SIK2: variants seen among roughly 807,000 people sequenced by gnomAD.
SIK2 encodes the protein salt inducible kinase 2.
A neutral mutation model predicts 103.2 loss-of-function variants in SIK2; 29 were observed. That is an observed-to-expected ratio of 0.28 (90% CI 0.21 to 0.38). The LOEUF is 0.38. SIK2 is among the 10% of genes least tolerant of loss of function. The pLI is 1.00. For missense variants in SIK2, 879 were observed against 1,171.0 expected (o/e 0.75, Z 3.64); for synonymous variants, 412 against 446.1 (o/e 0.92, Z 0.96).
At chr11:111,653,090 G>A (rs531083778) in intron 3 of SIK2, among the ~76,000 whole-genome samples, 224 of 152,218 alleles carry the variant, frequency 1.5e-3, no homozygotes, top group African/African-American at 4.9e-3. Context: ...TCTTACGGAC[G>A]CTAAAGTGTG....
intron 3 of SIK2, among the ~76,000 whole-genome samples, chr11:111,648,325 C>A (rs981396139): frequency 2.0e-5 from 3 of 152,046 alleles, no homozygotes; most frequent in Admixed American, 6.6e-5. Context: ...TCTCGCAGTT[C>A]TGGAGGCTTG....
intron 3 of SIK2, among the ~76,000 whole-genome samples, chr11:111,630,859 A>T (rs561405147): frequency 4.6e-5 from 7 of 152,158 alleles, no homozygotes; most frequent in Non-Finnish European, 1.0e-4. Context: ...TTATAAAACT[A>T]CCTTTTGAAG....
intron 8 of SIK2, among the ~76,000 whole-genome samples, chr11:111,708,094 C>A (rs1358592474): frequency 6.6e-6 from 1 of 152,124 alleles, no homozygotes; most frequent in Non-Finnish European, 1.5e-5. Context: ...ACAAAATACC[C>A]ATTATGACAG....
intron 3 of SIK2, among the ~76,000 whole-genome samples, chr11:111,641,613 G>T (rs1260230196): frequency 6.6e-6 from 1 of 152,090 alleles, no homozygotes; most frequent in Admixed American, 6.5e-5. Flanking sequence ...TTCAGCTCAT[G>T]ATTAGGATCC....
intron 3 of SIK2, among the ~76,000 whole-genome samples, chr11:111,646,679 A>G (rs1453258137): frequency 1.3e-5 from 2 of 152,138 alleles, no homozygotes; most frequent in Non-Finnish European, 2.9e-5. Flanking sequence ...TAGCTTGTAT[A>G]TTCTAGAATT....
intron 3 of SIK2, among the ~76,000 whole-genome samples, chr11:111,643,299 G>A (rs1392437274): frequency 6.6e-6 from 1 of 152,034 alleles, no homozygotes; most frequent in East Asian, 1.9e-4. Context: ...ACACACCAGG[G>A]CCTGTTGGAA....
In SIK2 at chr11:111,618,344, G is replaced by A. The variant is rs146397732; in HGVS notation, c.252+1985G>A. Among the ~76,000 whole-genome samples the A allele has an allele frequency of 1.6e-3, 247 of 152,236 alleles. 2 individuals carry two copies. The highest frequency in any genetic ancestry group is 5.5e-3 in the African/African-American group (229 of 41,540). On this transcript the variant is annotated intron_variant, in intron 2 of 14. Transcript: ENST00000304987. ...GGACTGCACCAGTCTGTGACCCGGC[G>A]GTTAGGAACCCCTGCTTTAAACAAC...
At chr11:111,652,172 C>T (rs1441320937) in intron 3 of SIK2, among the ~76,000 whole-genome samples, 5 of 152,052 alleles carry the variant, frequency 3.3e-5, no homozygotes, top group Non-Finnish European at 7.4e-5. Flanking sequence ...TATACACATA[C>T]ATATGTGAAA....
intron 3 of SIK2, among the ~76,000 whole-genome samples, chr11:111,622,389 G>A (rs1410568513): frequency 6.6e-6 from 1 of 151,152 alleles, no homozygotes; most frequent in African/African-American, 2.4e-5. Context: ...CCAAATAACT[G>A]GTCCTACAGG....
chr11:111,636,261 T>C (rs1428641896), intron 3 of SIK2, among the ~76,000 whole-genome samples: 2 of 152,252 alleles, frequency 1.3e-5, no homozygotes, highest in Non-Finnish European at 2.9e-5. Flanking sequence ...GTGAGATAGC[T>C]GAAGACCTTT....
chr11:111,607,568 A>G lies in SIK2; in HGVS notation c.135+4870A>G, dbSNP rs1277164349. Among the ~76,000 whole-genome samples the G allele has an allele frequency of 2.6e-5, 4 of 152,174 alleles. No homozygotes were observed. The East Asian group carries it at 7.7e-4, about 29-fold the overall frequency. On this transcript the variant is annotated intron_variant, in intron 1 of 14. Transcript: ENST00000304987. ...GAAATATTCCAGATTTCAAGAAGCA[A>G]CTGTACTATGTGCAACAGAAGGACT...
intron 8 of SIK2, among the ~76,000 whole-genome samples, chr11:111,706,959 CAAAA>C (rs763828886): frequency 3.8e-5 from 2 of 52,078 alleles, no homozygotes; most frequent in Non-Finnish European, 4.0e-5. Context: ...GACTCCGTCT[CAAAA>C]AAAAAAAAAA....
chr11:111,610,634 A>G (rs1941710885), intron 1 of SIK2, among the ~76,000 whole-genome samples: 1 of 152,020 alleles, frequency 6.6e-6, no homozygotes, highest in Non-Finnish European at 1.5e-5. Context: ...TGTTACTTTC[A>G]TAGTGTTTTT....
Position 111,721,048 on chromosome 11 carries a change from A to G in SIK2, c.1930A>G (p.Ser644Gly), listed in dbSNP as rs1171668742. Reference protein sequence around the residue: ...PAAPQLQDLASSCPQEEVSQQ... With the variant: ...PAAPQLQDLAGSCPQEEVSQQ... ...GGCTCCTCAGCTCCAGGACCTTGCTAGCAGCTGCCCTCAGGTGGGTACCTT... is the reference window on the plus strand; with the variant it reads ...GGCTCCTCAGCTCCAGGACCTTGCTGGCAGCTGCCCTCAGGTGGGTACCTT... Residue 644 changes from serine to glycine, a missense_variant, in exon 12 of 15, where the codon AGC (serine) becomes GGC (glycine). Ser to Gly is a moderately conservative substitution (Grantham distance 56, BLOSUM62 0). Transcript: ENST00000304987. The G allele has an allele frequency of 1.2e-6, 2 of 1,613,450 alleles. No homozygotes were observed. Among genetic ancestry groups the G allele is most frequent in the African/African-American group, 2.7e-5 (2 of 74,886 alleles).
chr11:111,685,240 C>T (rs112164010), intron 3 of SIK2, among the ~76,000 whole-genome samples: 2 of 152,172 alleles, frequency 1.3e-5, no homozygotes, highest in Non-Finnish European at 2.9e-5. Context: ...TCAAAAGGAG[C>T]ATTCAACTTA....
At position 111,701,584 on chromosome 11, in the gene SIK2, C is replaced by T. The variant is rs763106325; in HGVS notation, c.727+9C>T. ...GTATTTCATGTCAGAAGGTAATCAACTTTTCATCTTATTAATGGTGTTTTA... is the reference window on the plus strand; with the variant it reads ...GTATTTCATGTCAGAAGGTAATCAATTTTTCATCTTATTAATGGTGTTTTA... On this transcript the variant is annotated intron_variant, in intron 6 of 14. Coordinates refer to ENST00000304987, the MANE Select transcript of SIK2 (RefSeq NM_015191.3). This position sits in a 1 kb window ranked among gnomAD's most constrained non-coding sequence, Gnocchi z 4.2. The T allele has an allele frequency of 6.2e-7, 1 of 1,613,150 alleles. No homozygotes were observed. Among genetic ancestry groups the T allele is most frequent in the African/African-American group, 1.3e-5 (1 of 74,884 alleles).
chr11:111,723,701 A>G lies in SIK2; in HGVS notation c.2353A>G (p.Met785Val). The G allele has an allele frequency of 6.2e-7, 1 of 1,614,116 alleles. No individual in the cohort carries two copies. Among genetic ancestry groups the G allele is most frequent in the Non-Finnish European group, 8.5e-7 (1 of 1,180,034 alleles). Residue 785 changes from methionine to valine, a missense_variant, in exon 15 of 15, where the codon ATG (methionine) becomes GTG (valine). Coordinates refer to ENST00000304987, the MANE Select transcript of SIK2 (RefSeq NM_015191.3). ...SPVLEPSSEQ[M>V]QYSPFLSQYQ... is the part of the protein sequence containing the mutation. ...CGTCCTGGAGCCTTCCTCCGAGCAG[A>G]TGCAATACAGCCCTTTCCTCAGCCA...
rs1944033873 is a variant in SIK2 at position 111,728,058 on chromosome 11, TCA to T, written c.*3932_*3933del. The T allele has an allele frequency of 1.3e-5, 2 of 152,214 alleles. No individual in the cohort carries two copies. Among genetic ancestry groups the T allele is most frequent in the Non-Finnish European group, 2.9e-5 (2 of 68,044 alleles). 9.4% of individuals were successfully genotyped at this position (152,214 alleles called of 1,614,324 possible). On this transcript the variant is annotated 3_prime_UTR_variant, in exon 15 of 15. Transcript: ENST00000304987. Reference sequence around the variant, plus strand: ...TAGAGACAATATGCAGTGTGTCATTTCACAGTCTCAGTCCCTGTGAACAGTGG... The same window carrying T: ...TAGAGACAATATGCAGTGTGTCATTTCAGTCTCAGTCCCTGTGAACAGTGG...
intron 9 of SIK2, 130 bp downstream of exon 9, chr11:111,712,505 G>C: frequency 1.0e-6 from 1 of 965,830 alleles, no homozygotes; most frequent in South Asian, 1.7e-5. Context: ...ATGCTTTTGT[G>C]GAGAAAAACC....
Sources: allele counts gnomAD v4.1 joint callset (sites outside exome capture counted in the v4.1 genomes callset), GRCh38; gene constraint gnomAD v4.1.1; non-coding constraint Gnocchi (gnomAD v3.1); transcripts MANE v1.5; gene names NCBI Gene and HGNC (gene_info 2026-07-23, HGNC 2026-07-21).